The following NCOR2 variants were observed in gnomAD, a reference collection of about 807,000 sequenced individuals.
NCOR2 encodes CTG repeat protein 26.
In NCOR2, 81 loss-of-function variants were observed where a neutral mutation model predicts 262.9. That is an observed-to-expected ratio of 0.31 (90% CI 0.26 to 0.37). The LOEUF is 0.37. Among genes scored for constraint, NCOR2 ranks in the 10% least tolerant of loss-of-function variants. The pLI, the probability that NCOR2 is intolerant of heterozygous loss-of-function variation, is 1.00. For synonymous variants in NCOR2, 1,659 were observed against 1,559.3 expected (o/e 1.06, Z -1.51); for missense variants, 3,385 against 3,621.4 (o/e 0.93, Z 1.68).
At chr12:124,333,347 C>T (rs977242139) in intron 41 of NCOR2, 68 bp from the exon 44 acceptor site, 53 of 1,352,736 alleles carry the variant, frequency 3.9e-5, no homozygotes, top group Non-Finnish European at 4.6e-5. Context: ...CCTCCCTCCA[C>T]TCTAAACCAG....
At chr12:124,519,917 G>A (rs1179002683) in intron 1 of NCOR2, among the ~76,000 whole-genome samples, 2 of 152,212 alleles carry the variant, frequency 1.3e-5, no homozygotes, top group African/African-American at 4.8e-5. Flanking sequence ...TAGTGGCTGA[G>A]CTGGGACTTG....
Position 124,336,752 on chromosome 12 carries a change from C to T in NCOR2, c.6115+1G>A. The T allele has an allele frequency of 6.2e-7, 1 of 1,612,988 alleles. No individual in the cohort carries two copies. Among genetic ancestry groups the T allele is most frequent in the Non-Finnish European group, 8.5e-7 (1 of 1,179,648 alleles). On this transcript the variant is annotated splice_donor_variant, in intron 38 of 46. Coordinates refer to ENST00000405201, the Ensembl canonical transcript of NCOR2. LOFTEE classifies it high-confidence loss of function. Reference sequence around the variant, plus strand: ...GGTGGCCGCTGTCAGGGTGGTCTTACCCAGAGAACGGAGTTCCAGTTCCTG... The same window carrying T: ...GGTGGCCGCTGTCAGGGTGGTCTTATCCAGAGAACGGAGTTCCAGTTCCTG...
chr12:124,551,794 T>C (rs1031791415), intron 1 of NCOR2, among the ~76,000 whole-genome samples: 6 of 152,070 alleles, frequency 3.9e-5, no homozygotes, highest in Non-Finnish European at 8.8e-5. Context: ...GCGCGGGCCG[T>C]TTTCTTCCTC....
rs748620370 is a variant in NCOR2 at position 124,333,862 on chromosome 12, GTGTGCGCA to G, written c.6605+554_6605+561del. On this transcript the variant is annotated intron_variant, in intron 41 of 46. Coordinates refer to ENST00000405201, the Ensembl canonical transcript of NCOR2. The stretch of plus-strand genomic sequence containing the variant: ...CGCCTGTGTGCGGGTGTGCATGTGT[GTGTGCGCA>G]TGTGTGCGGGTGTGCATGTGTGTGT... 6.2e-4 allele frequency among the ~76,000 whole-genome samples: 90 copies of G among 144,122 alleles called. 1 individual carries two copies. Among genetic ancestry groups the G allele is most frequent in the South Asian group, 2.9e-3 (13 of 4,534 alleles). 94.5% of individuals were successfully genotyped at this position (144,122 alleles called of 152,430 possible).
chr12:124,336,002 T>G, intron 38 of NCOR2: 1 of 227,998 alleles, frequency 4.4e-6, no homozygotes. Context: ...GAAGTGGGGG[T>G]GTGGCTGGGA....
intron 3 of NCOR2, 122 bp from the exon 6 acceptor site, chr12:124,473,253 G>C: frequency 8.5e-7 from 1 of 1,181,058 alleles, no homozygotes; most frequent in Non-Finnish European, 1.2e-6. Context: ...TTGATCCTCG[G>C]TATGTCTGTG....
At chr12:124,386,691 C>T (rs1237428476) in intron 16 of NCOR2, among the ~76,000 whole-genome samples, 2 of 152,210 alleles carry the variant, frequency 1.3e-5, no homozygotes, top group Non-Finnish European at 2.9e-5. Flanking sequence ...AGCATGCCGC[C>T]CCCCAGGTTC....
At chr12:124,506,668 C>T (rs2049057401) in intron 1 of NCOR2, among the ~76,000 whole-genome samples, 1 of 152,094 alleles carries the variant, frequency 6.6e-6, no homozygotes, top group Admixed American at 6.5e-5. Flanking sequence ...CATTAAGTTC[C>T]GGGCGCCCCA....
chr12:124,384,240 G>T (rs2040627990), intron 17 of NCOR2, among the ~76,000 whole-genome samples: 1 of 152,250 alleles, frequency 6.6e-6, no homozygotes, highest in Admixed American at 6.5e-5. Context: ...CCCCCAGGCT[G>T]CTCTGGCTCA....
intron 5 of NCOR2, among the ~76,000 whole-genome samples, chr12:124,463,644 G>A (rs561637947): frequency 1.6e-4 from 24 of 152,370 alleles, no homozygotes; most frequent in South Asian, 4.1e-4. Context: ...TCGAAAAACA[G>A]ACCCTTGTCC....
intron 1 of NCOR2, among the ~76,000 whole-genome samples, chr12:124,553,767 T>G (rs1338851047): frequency 1.3e-5 from 2 of 151,940 alleles, no homozygotes; most frequent in African/African-American, 4.8e-5. Context: ...CCATAAGAAA[T>G]CCCCCCACTG....
intron 7 of NCOR2, among the ~76,000 whole-genome samples, chr12:124,441,120 T>A (rs542032122): frequency 3.9e-5 from 6 of 152,276 alleles, no homozygotes; most frequent in East Asian, 1.9e-4. Flanking sequence ...CCAGGCGCCA[T>A]GAGCACAGCA....
chr12:124,407,836 C>G (rs1034766587), intron 13 of NCOR2, among the ~76,000 whole-genome samples: 1 of 152,256 alleles, frequency 6.6e-6, no homozygotes, highest in African/African-American at 2.4e-5. Context: ...CTCATGACAC[C>G]TTCCACCTCC....
chr12:124,381,305 C>T (rs1474919317), intron 17 of NCOR2, among the ~76,000 whole-genome samples: 4 of 152,174 alleles, frequency 2.6e-5, no homozygotes, highest in Non-Finnish European at 5.9e-5. Context: ...AACTCACTTC[C>T]TCACCTCCTT....
intron 1 of NCOR2, among the ~76,000 whole-genome samples, chr12:124,486,852 G>C (rs930570309): frequency 2.6e-5 from 4 of 152,156 alleles, no homozygotes; most frequent in Non-Finnish European, 5.9e-5. Context: ...AAATGAGACT[G>C]CCAAGCCTGG....
chr12:124,491,480 C>T (rs779512352), intron 1 of NCOR2, among the ~76,000 whole-genome samples: 3 of 152,224 alleles, frequency 2.0e-5, no homozygotes, highest in Non-Finnish European at 2.9e-5. Flanking sequence ...AGCAACCTGG[C>T]TCCAGAACCG....
At chr12:124,537,302 C>G (rs2051145202), upstream of NCOR2, among the ~76,000 whole-genome samples, 1 of 152,216 alleles carries the variant, frequency 6.6e-6, no homozygotes. Flanking sequence ...AAAAATAGTA[C>G]AGAGGGCAGA....
intron 13 of NCOR2, among the ~76,000 whole-genome samples, chr12:124,411,362 G>A (rs1233140687): frequency 1.3e-5 from 2 of 152,212 alleles, no homozygotes; most frequent in Admixed American, 6.5e-5. Flanking sequence ...GGACAGAGAT[G>A]GGGAACAGTG....
chr12:124,437,217 C>G (rs564484438), intron 8 of NCOR2, among the ~76,000 whole-genome samples: 1 of 152,336 alleles, frequency 6.6e-6, no homozygotes, highest in South Asian at 2.1e-4. Flanking sequence ...ACAGCCATTC[C>G]TTTCCTGTTG....
Sources: allele counts gnomAD v4.1 joint callset (sites outside exome capture counted in the v4.1 genomes callset), GRCh38; gene constraint gnomAD v4.1.1; transcripts MANE v1.5; gene names NCBI Gene and HGNC (gene_info 2026-07-23, HGNC 2026-07-21).